The following UMODL1 variants were observed in gnomAD, a reference collection of about 807,000 sequenced individuals.
UMODL1 encodes uromodulin like 1.
In UMODL1, 128 loss-of-function variants were observed where a neutral mutation model predicts 136.3. The ratio of observed to expected loss-of-function variants is 0.94; its 90% CI spans 0.81 to 1.09. The LOEUF is 1.09. Ranked by LOEUF, UMODL1 falls within the 50% of genes least tolerant of loss-of-function variation. The pLI, the probability that UMODL1 is intolerant of heterozygous loss-of-function variation, is 0.00. For synonymous variants in UMODL1, 721 were observed against 720.0 expected, an observed-to-expected ratio of 1.00 and a Z score of -0.02; for missense variants, 1,766 against 1,725.6, an observed-to-expected ratio of 1.02 and a Z score of -0.41.
chr21:42,081,867 A>AT (rs1428168465), intron 2 of UMODL1, among the ~76,000 whole-genome samples: 1 of 152,126 alleles, frequency 6.6e-6, no homozygotes, highest in Non-Finnish European at 1.5e-5. Flanking sequence ...TTTAGTCCGC[A>AT]TGTCTGCTTA....
chr21:42,090,135 G>A (rs1308836203), intron 5 of UMODL1, among the ~76,000 whole-genome samples, 163 bp from the exon 6 acceptor site: 5 of 152,172 alleles, frequency 3.3e-5, no homozygotes, highest in African/African-American at 2.4e-5. Flanking sequence ...CTTCTAAGAC[G>A]AGACTTCCAT....
chr21:42,099,067 C>T lies in UMODL1; in HGVS notation c.1073C>T (p.Thr358Ile). Residue 358 changes from threonine to isoleucine, a missense_variant, in exon 7 of 23, where the codon ACA (threonine) becomes ATA (isoleucine). Coordinates refer to ENST00000408910, the MANE Select transcript of UMODL1 (RefSeq NM_001004416.3). This position sits in a 1 kb window ranked among gnomAD's most constrained non-coding sequence, Gnocchi z 4.1. ...ATGGAGTTGCTCAGGAGCGCCAGGACACAGAGCCAGGCACTGGCAGTGGCT... is the reference window on the plus strand; with the variant it reads ...ATGGAGTTGCTCAGGAGCGCCAGGATACAGAGCCAGGCACTGGCAGTGGCT... The part of the protein sequence containing the change: ...RGMELLRSAR[T>I]QSQALAVAGL... The T allele has an allele frequency of 6.2e-7, 1 of 1,614,206 alleles. No homozygotes were observed. The highest frequency in any genetic ancestry group is 1.7e-4 in the Middle Eastern group (1 of 6,056).
At chr21:42,134,412 T>C (rs1486773878) in intron 21 of UMODL1, among the ~76,000 whole-genome samples, 1 of 152,200 alleles carries the variant, frequency 6.6e-6, no homozygotes, top group African/African-American at 2.4e-5. Context: ...AGCATGTCCC[T>C]GTGCTAAAAG....
At chr21:42,081,744 G>A (rs2066364582) in intron 2 of UMODL1, among the ~76,000 whole-genome samples, 1 of 152,196 alleles carries the variant, frequency 6.6e-6, no homozygotes, top group African/African-American at 2.4e-5. Flanking sequence ...CAGCTCTCGG[G>A]ACTACTTGTC....
chr21:42,091,239 GAGAC>G (rs2146452505), intron 6 of UMODL1, among the ~76,000 whole-genome samples: 1 of 152,370 alleles, frequency 6.6e-6, no homozygotes, highest in Admixed American at 6.5e-5. Flanking sequence ...TGTGGAAATG[GAGAC>G]ATTTTGGCGC....
At chr21:42,119,863 A>T (rs2066947142) in intron 15 of UMODL1, among the ~76,000 whole-genome samples, 1 of 152,250 alleles carries the variant, frequency 6.6e-6, no homozygotes, top group Non-Finnish European at 1.5e-5. Context: ...CCTAAAGAAA[A>T]TACGATTTTT....
In UMODL1 at chr21:42,127,051, T is replaced by C; in HGVS notation, c.3339T>C (p.Val1113=). 5.0e-6 allele frequency: 8 copies of C among 1,614,180 alleles called. No individual in the cohort carries two copies. The highest frequency in any genetic ancestry group is 6.8e-6 in the Non-Finnish European group (8 of 1,180,032). ...IEDLHGAGNF[V]TEMQLFIGDS... The stretch of plus-strand genomic sequence containing the variant: ...ACCTCCACGGCGCTGGGAATTTTGT[T>C]ACCGAAATGCAGTTGTTTATCGGAG... Residue 1113 remains valine, a synonymous_variant, in exon 19 of 23, where the codon GTT becomes GTC. Coordinates refer to ENST00000408910, the MANE Select transcript of UMODL1 (RefSeq NM_001004416.3).
chr21:42,128,493 T>C (rs1299827756), intron 20 of UMODL1, among the ~76,000 whole-genome samples: 2 of 140,342 alleles, frequency 1.4e-5, no homozygotes, highest in Admixed American at 7.0e-5. Flanking sequence ...TTGTTCCTGC[T>C]CTCATCTGAG....
intron 1 of UMODL1, chr21:42,063,277 G>C (rs1205418331): frequency 2.0e-5 from 3 of 152,250 alleles, no homozygotes; most frequent in Admixed American, 2.0e-4. Context: ...GGGGTGCAGG[G>C]GGCTGCCACT....
chr21:42,111,654 G>A lies in UMODL1; in HGVS notation c.2048G>A (p.Gly683Asp). The part of the protein sequence containing the change: ...WLRNEDSGPS[G>D]SVDLPLTSTL... ...CGAAATGAGGACAGTGGACCCTCCG[G>A]TTCTGTAGACCTGCCATTGACCTCC... Residue 683 changes from glycine (G) to aspartate (D), a missense_variant, in exon 12 of 23, where the codon GGT becomes GAT. Gly to Asp is a moderately conservative substitution (Grantham distance 94). Transcript: ENST00000408910. 1.2e-6 allele frequency: 2 copies of A among 1,613,998 alleles called. No individual in the cohort carries two copies. Among genetic ancestry groups the A allele is most frequent in the South Asian group, 1.1e-5 (1 of 91,074 alleles).
intron 15 of UMODL1, 30 bp from the exon 16 acceptor site, chr21:42,121,057 C>A: frequency 6.3e-7 from 1 of 1,598,318 alleles, no homozygotes; most frequent in South Asian, 1.1e-5. Context: ...CAGGGATGTT[C>A]TTCTGTTTTG....
At chr21:42,131,071 C>A (rs553930421) in intron 21 of UMODL1, among the ~76,000 whole-genome samples, 1 of 152,290 alleles carries the variant, frequency 6.6e-6, no homozygotes, top group East Asian at 1.9e-4. Flanking sequence ...CCTCGGCCTC[C>A]CAAAGTGCTA....
chr21:42,066,989 T>G (rs2066188144), upstream of UMODL1, among the ~76,000 whole-genome samples: 1 of 151,686 alleles, frequency 6.6e-6, no homozygotes, highest in Non-Finnish European at 1.5e-5. Flanking sequence ...TTTTTTTTTT[T>G]TTTGAGATGG....
upstream of UMODL1, among the ~76,000 whole-genome samples, chr21:42,067,302 G>A (rs983825718): frequency 6.6e-6 from 1 of 151,978 alleles, no homozygotes; most frequent in Non-Finnish European, 1.5e-5. Context: ...TATTTCCCCA[G>A]TAATGGCCTT....
Position 42,109,603 on chromosome 21 carries a change from C to T in UMODL1, c.1561C>T (p.Pro521Ser), listed in dbSNP as rs1179589743. 1 of 1,611,594 alleles carries T rather than the reference C, an allele frequency of 6.2e-7. No homozygotes were observed. Among genetic ancestry groups the T allele is most frequent in the Non-Finnish European group, 8.5e-7 (1 of 1,180,030 alleles). ...CVDSAEHDCS[P>S]AAWCINLEGS... ...GGACAGCGCGGAACACGACTGCTCA[C>T]CGGCTGCCTGGTGCATCAACCTGGA... The change falls in exon 10 of 23, where the codon CCG (proline) becomes TCG (serine). Residue 521 changes from proline (P) to serine (S), a missense_variant. Transcript: ENST00000408910.
At chr21:42,073,590 G>T (rs966210049) in intron 1 of UMODL1, among the ~76,000 whole-genome samples, 1 of 152,172 alleles carries the variant, frequency 6.6e-6, no homozygotes, top group African/African-American at 2.4e-5. Flanking sequence ...CCTGTGTTCT[G>T]CCCAGAGCAA....
At chr21:42,081,343 G>T (rs1324705867) in intron 2 of UMODL1, among the ~76,000 whole-genome samples, 1 of 152,216 alleles carries the variant, frequency 6.6e-6, no homozygotes, top group East Asian at 1.9e-4. Context: ...CAAACACAAA[G>T]CTCCCCTGTT....
At position 42,083,703 on chromosome 21, in the gene UMODL1, C is replaced by A. The variant is rs142055162; in HGVS notation, c.320-381C>A. On this transcript the variant is annotated intron_variant, in intron 2 of 22. Coordinates refer to ENST00000408910, the MANE Select transcript of UMODL1 (RefSeq NM_001004416.3). ...GGCCCTGGGCACCCGGCATTGTGCC[C>A]GGCACATAGCAGGTGCTCAACAAAT... 5.4e-3 allele frequency among the ~76,000 whole-genome samples: 826 copies of A among 152,324 alleles called. 6 individuals are homozygous for A. Among genetic ancestry groups the A allele is most frequent in the African/African-American group, 0.019 (791 of 41,580 alleles).
intron 3 of UMODL1, 47 bp downstream of exon 3, chr21:42,084,292 C>A: frequency 1.3e-6 from 2 of 1,597,990 alleles, no homozygotes; most frequent in South Asian, 1.1e-5. Flanking sequence ...AAAGGCGGGT[C>A]TCGGTGAGGC....
Sources: allele counts gnomAD v4.1 joint callset (sites outside exome capture counted in the v4.1 genomes callset), GRCh38; gene constraint gnomAD v4.1.1; non-coding constraint Gnocchi (gnomAD v3.1); transcripts MANE v1.5; gene names NCBI Gene and HGNC (gene_info 2026-07-23, HGNC 2026-07-21).